EXT1: variants seen among roughly 807,000 people sequenced by gnomAD.
The protein encoded by EXT1 is exostosin glycosyltransferase 1, also known as exostosin-1.
EXT1 carries 20 observed loss-of-function variants against 82.5 expected under a neutral mutation model. The ratio of observed to expected loss-of-function variants is 0.24; its 90% CI spans 0.17 to 0.35. The LOEUF (loss-of-function observed/expected upper bound fraction) is 0.35. Among genes scored for constraint, EXT1 ranks in the 10% least tolerant of loss-of-function variants. The pLI is 1.00. For missense variants in EXT1, 757 were observed against 936.5 expected (o/e 0.81, Z 2.50); for synonymous variants, 348 against 350.8 (o/e 0.99, Z 0.09).
Position 117,955,202 on chromosome 8 carries a change from C to T in EXT1, c.963-118001G>A, listed in dbSNP as rs118134885. Among the ~76,000 whole-genome samples, 1,108 of 152,300 alleles carry T rather than the reference C, an allele frequency of 7.3e-3. 7 individuals are homozygous for T. Among genetic ancestry groups the T allele is most frequent in the Non-Finnish European group, 0.012 (806 of 68,022 alleles). ...ATGGAGTCGGGGTGCACCATCCTCC[C>T]GGCATGTGGATATGGTTATCAACCT... On this transcript the variant is annotated intron_variant, in intron 1 of 10. Coordinates refer to ENST00000378204, the MANE Select transcript of EXT1 (RefSeq NM_000127.3).
intron 1 of EXT1, among the ~76,000 whole-genome samples, chr8:117,847,305 T>C (rs1216101101): frequency 6.6e-6 from 1 of 152,356 alleles, no homozygotes; most frequent in Admixed American, 6.5e-5. Context: ...TTCATTCCTA[T>C]GCTTACACCA....
At chr8:118,016,418 G>A (rs1816005012) in intron 1 of EXT1, among the ~76,000 whole-genome samples, 1 of 152,080 alleles carries the variant, frequency 6.6e-6, no homozygotes, top group Non-Finnish European at 1.5e-5. Context: ...AATAAATAAA[G>A]CCACTCCGTT....
At chr8:118,024,107 T>C (rs540325660) in intron 1 of EXT1, among the ~76,000 whole-genome samples, 7 of 152,216 alleles carry the variant, frequency 4.6e-5, no homozygotes, top group African/African-American at 1.7e-4. Flanking sequence ...GTGGGAGAAA[T>C]CTTAGAAGAA....
intron 1 of EXT1, among the ~76,000 whole-genome samples, chr8:118,005,421 A>C (rs557763429): frequency 6.6e-6 from 1 of 152,348 alleles, no homozygotes; most frequent in African/African-American, 2.4e-5. Context: ...AAAAACAGCA[A>C]AACAAAACAG....
intron 1 of EXT1, among the ~76,000 whole-genome samples, chr8:117,842,364 TATC>T (rs1812286502): frequency 6.6e-6 from 1 of 152,242 alleles, no homozygotes; most frequent in African/African-American, 2.4e-5. Flanking sequence ...AGGTAGCTAT[TATC>T]ATTATGACTG....
chr8:117,977,639 G>A (rs993699910), intron 1 of EXT1, among the ~76,000 whole-genome samples: 8 of 152,112 alleles, frequency 5.3e-5, no homozygotes, highest in Non-Finnish European at 1.0e-4. Flanking sequence ...ACACTAGACA[G>A]GGCAAATTAA....
intron 1 of EXT1, among the ~76,000 whole-genome samples, chr8:118,006,214 T>C (rs1815771939): frequency 6.6e-6 from 1 of 152,216 alleles, no homozygotes; most frequent in African/African-American, 2.4e-5. Context: ...TATAACTTAT[T>C]CTCTGACTGA....
At chr8:118,040,493 A>C (rs1440950921) in intron 1 of EXT1, among the ~76,000 whole-genome samples, 1 of 152,088 alleles carries the variant, frequency 6.6e-6, no homozygotes, top group Admixed American at 6.6e-5. Flanking sequence ...GTCATCTTCA[A>C]CTCTGTCAGT....
At chr8:118,033,857 A>C (rs1563635390) in intron 1 of EXT1, among the ~76,000 whole-genome samples, 1 of 152,226 alleles carries the variant, frequency 6.6e-6, no homozygotes, top group Non-Finnish European at 1.5e-5. Context: ...CATTCTACAT[A>C]TCATGGATGT....
intron 1 of EXT1, among the ~76,000 whole-genome samples, chr8:118,034,856 A>G (rs2129886958): frequency 6.6e-6 from 1 of 152,312 alleles, no homozygotes; most frequent in Middle Eastern, 3.4e-3. Flanking sequence ...TCCTACTTGT[A>G]CACAGAGGGT....
chr8:117,808,031 C>G (rs1334245725), intron 8 of EXT1, among the ~76,000 whole-genome samples: 3 of 152,062 alleles, frequency 2.0e-5, no homozygotes, highest in Non-Finnish European at 2.9e-5. Flanking sequence ...CAACTGAAGC[C>G]ACAGAATTAT....
At chr8:117,946,941 G>T (rs749892452) in intron 1 of EXT1, among the ~76,000 whole-genome samples, 106 of 152,182 alleles carry the variant, frequency 7.0e-4, no homozygotes, top group Non-Finnish European at 7.9e-4. Flanking sequence ...GGATGGCTTT[G>T]AGGCCAGTTT....
intron 10 of EXT1, among the ~76,000 whole-genome samples, chr8:117,803,845 T>C (rs1367585539): frequency 1.3e-5 from 2 of 152,198 alleles, no homozygotes; most frequent in East Asian, 1.9e-4. Flanking sequence ...CCCTGTAAGG[T>C]AGATTTCACC....
intron 1 of EXT1, among the ~76,000 whole-genome samples, chr8:117,861,999 T>C (rs1281654781): frequency 6.9e-6 from 1 of 145,896 alleles, no homozygotes; most frequent in Non-Finnish European, 1.5e-5. Context: ...TGTGAAACTT[T>C]ACAGCTTCAA....
At chr8:117,809,216 TAA>T (rs199897310) in intron 8 of EXT1, among the ~76,000 whole-genome samples, 3 of 85,828 alleles carry the variant, frequency 3.5e-5, no homozygotes, top group Non-Finnish European at 5.0e-5. Context: ...TGTGTGTGTA[TAA>T]ATATATATAT....
chr8:117,989,003 G>A (rs1399988335), intron 1 of EXT1, among the ~76,000 whole-genome samples: 2 of 145,672 alleles, frequency 1.4e-5, no homozygotes, highest in Admixed American at 7.0e-5. Context: ...GAGGCAGGAG[G>A]ATCAATGGGG....
chr8:118,083,438 TG>T lies in EXT1; in HGVS notation c.962+26646del, dbSNP rs1375659546. 5.9e-5 allele frequency among the ~76,000 whole-genome samples: 9 copies of T among 152,322 alleles called. No individual in the cohort carries two copies. In the East Asian group the frequency reaches 1.4e-3, roughly 23 times the overall value. On this transcript the variant is annotated intron_variant, in intron 1 of 10. Coordinates refer to ENST00000378204, the MANE Select transcript of EXT1 (RefSeq NM_000127.3). ...CTAATCACCCACCAGTCACCATAAG[TG>T]TTTAATGATTCAGGTTGTCAAGGCC...
chr8:117,931,574 C>T (rs1586292449), intron 1 of EXT1, among the ~76,000 whole-genome samples: 1 of 152,016 alleles, frequency 6.6e-6, no homozygotes, highest in South Asian at 2.1e-4. Context: ...TTATTGGCTA[C>T]ACATTGAGCT....
At chr8:117,883,526 G>A (rs1003182319) in intron 1 of EXT1, among the ~76,000 whole-genome samples, 1 of 152,224 alleles carries the variant, frequency 6.6e-6, no homozygotes, top group African/African-American at 2.4e-5. Flanking sequence ...AGACAATTCC[G>A]AAAGGCTGGG....
Sources: gnomAD v4.1 joint callset for allele counts (sites outside exome capture counted in the v4.1 genomes callset) on GRCh38, gnomAD v4.1.1 for gene constraint, MANE v1.5 for transcripts, NCBI Gene and HGNC (gene_info 2026-07-23, HGNC 2026-07-21) for gene names.